The following ASPRV1 variants were observed in gnomAD, a reference collection of about 807,000 sequenced individuals.
The protein encoded by ASPRV1 is aspartic peptidase retroviral like 1.
In ASPRV1, 7 loss-of-function variants were observed where a neutral mutation model predicts 11.0. That is an observed-to-expected ratio of 0.64 (90% confidence interval 0.36 to 1.20). ASPRV1 has a LOEUF of 1.20. Among genes scored for constraint, ASPRV1 ranks in the 50% most tolerant of loss-of-function variants. The pLI is 0.02. For synonymous variants in ASPRV1, 136 were observed against 138.4 expected, an observed-to-expected ratio of 0.98 and a Z score of 0.12; for missense variants, 299 against 320.0, an observed-to-expected ratio of 0.93 and a Z score of 0.50.
At chr2:69,940,065 C>T in the ASPRV1 span, 86,532 of 146,682 alleles carry the variant, frequency 0.59, 27,677 homozygotes, top group African/African-American at 0.86. Flanking sequence ...TCCAAAGTCA[C>T]CTGTAATTCT....
the ASPRV1 span, among the ~76,000 whole-genome samples, chr2:69,976,164 AC>A: frequency 6.6e-6 from 1 of 151,994 alleles, no homozygotes; most frequent in Non-Finnish European, 1.5e-5. Flanking sequence ...GGAAGGCCCA[AC>A]CCTCCGGCCA....
At chr2:69,933,200 C>CAAAAAAAAAAAAAAA in the ASPRV1 span, among the ~76,000 whole-genome samples, 1 of 80,142 alleles carries the variant, frequency 1.2e-5, no homozygotes, top group Non-Finnish European at 2.5e-5. Context: ...AACTCTGTCT[C>CAAAAAAAAAAAAAAA]AAAAAAAAAA....
At chr2:70,010,832 C>T in the ASPRV1 span, among the ~76,000 whole-genome samples, 4 of 152,184 alleles carry the variant, frequency 2.6e-5, no homozygotes, top group Non-Finnish European at 5.9e-5. Context: ...GTCCTAATGA[C>T]CTGTGCCCTG....
At chr2:69,988,532 T>C in the ASPRV1 span, 1 of 323,174 alleles carries the variant, frequency 3.1e-6, no homozygotes, top group South Asian at 2.5e-5. Flanking sequence ...GTTTGGTGGG[T>C]AGTGGGAGTT....
chr2:70,047,647 T>C, the ASPRV1 span, among the ~76,000 whole-genome samples: 34,634 of 151,904 alleles, frequency 0.23, 6,997 homozygotes, highest in African/African-American at 0.51. Flanking sequence ...TGACACTGCA[T>C]GAAAAGTAAA....
At chr2:70,084,091 G>C in the ASPRV1 span, among the ~76,000 whole-genome samples, 44,091 of 152,064 alleles carry the variant, frequency 0.29, 6,638 homozygotes, top group East Asian at 0.35. Flanking sequence ...GGGAGGCTAA[G>C]AGCTGGGGAA....
the ASPRV1 span, among the ~76,000 whole-genome samples, chr2:69,936,086 A>G: frequency 1.3e-5 from 2 of 151,622 alleles, no homozygotes; most frequent in African/African-American, 2.4e-5. Flanking sequence ...GCCTTTGTCA[A>G]TGCTCTTCCC....
chr2:70,073,187 G>A, the ASPRV1 span: 18 of 152,166 alleles, frequency 1.2e-4, no homozygotes, highest in Non-Finnish European at 4.4e-5. Flanking sequence ...TCATTTGTCA[G>A]GAGAATGATA....
chr2:69,978,032 G>A, the ASPRV1 span, among the ~76,000 whole-genome samples: 1 of 152,126 alleles, frequency 6.6e-6, no homozygotes, highest in Non-Finnish European at 1.5e-5. Context: ...CCCCTACCCT[G>A]CCCTAGCCCA....
chr2:70,042,300 T>A, the ASPRV1 span, among the ~76,000 whole-genome samples: 13 of 152,294 alleles, frequency 8.5e-5, no homozygotes, highest in African/African-American at 3.1e-4. Flanking sequence ...GGCATCTAAT[T>A]AGCGCAAAGA....
chr2:69,991,173 T>G, the ASPRV1 span, among the ~76,000 whole-genome samples: 1 of 152,112 alleles, frequency 6.6e-6, no homozygotes, highest in East Asian at 1.9e-4. Context: ...AATTCCTACT[T>G]GGCTGGGATC....
the ASPRV1 span, among the ~76,000 whole-genome samples, chr2:70,039,079 CAAA>C: frequency 7.6e-5 from 5 of 66,144 alleles, no homozygotes; most frequent in Admixed American, 3.6e-4. Flanking sequence ...AACTCCATCT[CAAA>C]AAAAAAAAAA....
the ASPRV1 span, among the ~76,000 whole-genome samples, chr2:70,063,162 T>C: frequency 6.6e-6 from 1 of 152,124 alleles, no homozygotes; most frequent in African/African-American, 2.4e-5. Flanking sequence ...CTGAGCTACA[T>C]ACAAAAACAT....
the ASPRV1 span, among the ~76,000 whole-genome samples, chr2:70,016,587 C>T: frequency 3.3e-5 from 5 of 152,158 alleles, no homozygotes; most frequent in Non-Finnish European, 7.3e-5. Context: ...AGGCTCATGT[C>T]TGTAATCCCA....
the ASPRV1 span, among the ~76,000 whole-genome samples, chr2:70,008,060 T>G: frequency 2.6e-5 from 4 of 152,086 alleles, 1 homozygote; most frequent in Non-Finnish European, 5.9e-5. Context: ...GGTCTTGAAC[T>G]CCTGACCTCA....
At chr2:70,071,059 C>A in the ASPRV1 span, among the ~76,000 whole-genome samples, 5 of 152,150 alleles carry the variant, frequency 3.3e-5, no homozygotes, top group Non-Finnish European at 5.9e-5. Flanking sequence ...GGATAAACTT[C>A]CAGCCATTTT....
At chr2:69,949,336 CT>C in the ASPRV1 span, among the ~76,000 whole-genome samples, 3 of 152,156 alleles carry the variant, frequency 2.0e-5, no homozygotes, top group African/African-American at 7.2e-5. Flanking sequence ...CAGAGGAGAA[CT>C]TTAGGCTCAG....
the ASPRV1 span, among the ~76,000 whole-genome samples, chr2:70,044,023 T>C: frequency 9.2e-5 from 14 of 152,246 alleles, no homozygotes; most frequent in African/African-American, 2.6e-4. Context: ...CTCAAACTCA[T>C]TGGTGTCTCC....
chr2:69,949,332 A>G, the ASPRV1 span, among the ~76,000 whole-genome samples: 54 of 152,324 alleles, frequency 3.5e-4, no homozygotes, highest in Admixed American at 1.2e-3. Context: ...GAGACAGAGG[A>G]GAACTTTAGG....
Sources: gnomAD v4.1 joint callset for allele counts (sites outside exome capture counted in the v4.1 genomes callset) on GRCh38, gnomAD v4.1.1 for gene constraint, MANE v1.5 for transcripts, NCBI Gene and HGNC (gene_info 2026-07-23, HGNC 2026-07-21) for gene names.